HDDC3: variants seen among roughly 807,000 people sequenced by gnomAD.
The protein encoded by HDDC3 is guanosine-3',5'-bis(diphosphate) 3'-pyrophosphohydrolase MESH1.
In HDDC3, 18 loss-of-function variants were observed where a neutral mutation model predicts 19.1. The observed-to-expected ratio is 0.94, with a 90% CI of 0.65 to 1.40. The LOEUF is 1.40. HDDC3 is among the 40% of genes most tolerant of loss of function. The probability of loss-of-function intolerance (pLI) is 0.00; values close to 1 mark genes in which losing one functional copy is unlikely to be tolerated. For synonymous variants in HDDC3, 107 were observed against 99.4 expected, an observed-to-expected ratio of 1.08 and a Z score of -0.46; for missense variants, 250 against 228.9, an observed-to-expected ratio of 1.09 and a Z score of -0.59.
Position 90,932,501 on chromosome 15 carries a change from A to ATATC in HDDC3, c.39_40insGATA (p.Phe14AspfsTer39). ...TGCTGCCGGTGCTTGCGAGCCGCGA[A>ATATC]GTCGGCAGCCTCCAGCAGCTGCGCC... On this transcript the variant is annotated frameshift_variant, in exon 1 of 4. Transcript: ENST00000394272. LOFTEE classifies it high-confidence loss of function. 1 of 1,300,618 alleles carries ATATC rather than the reference A, an allele frequency of 7.7e-7. No homozygotes were observed. The allele number at this position is 1,300,618 out of a possible 1,614,324, so 80.6% of individuals were successfully genotyped here. A position where few individuals can be genotyped will look rare whatever the true frequency, so the allele number is the denominator to read the frequency against.
rs2035833768 is a variant in HDDC3 at position 90,932,409 on chromosome 15, T to C, written c.112+20A>G. On this transcript the variant is annotated intron_variant, in intron 1 of 3. Transcript: ENST00000394272. ...ACCACCCAGGTGCCGCAGCCGGCGC[T>C]CCGCGGCCGACGCGCCCACCGATGG... 1 of 1,310,778 alleles carries C rather than the reference T, an allele frequency of 7.6e-7. No individual in the cohort carries two copies. Among genetic ancestry groups the C allele is most frequent in the Non-Finnish European group, 9.8e-7 (1 of 1,021,738 alleles). The allele number at this position is 1,310,778 out of a possible 1,614,324, so 81.2% of individuals were successfully genotyped here.
rs200680048 is a variant in HDDC3, at chr15:90,931,950, G to A, written c.169-6C>T. The stretch of plus-strand genomic sequence containing the variant: ...GTGTCATGGAGCAGGGCCGCCTGGG[G>A]ACAAGTTCCCACTCAGCCCTGAGAT... On this transcript the variant is annotated splice_polypyrimidine_tract_variant and splice_region_variant and intron_variant, in intron 2 of 3. Transcript: ENST00000394272. 2.6e-5 allele frequency: 42 copies of A among 1,613,776 alleles called. No individual in the cohort carries two copies. The African/African-American group carries it at 4.8e-4, about 18-fold the overall frequency.
upstream of HDDC3, chr15:90,932,555 C>A (rs1342814125): frequency 1.7e-5 from 21 of 1,244,128 alleles, no homozygotes; most frequent in East Asian, 3.1e-5. Flanking sequence ...CGGATGGGGC[C>A]GACGACTGCG....
At position 90,932,123 on chromosome 15, in the gene HDDC3, G is replaced by A. The variant is rs549390607; in HGVS notation, c.113-13C>T. On this transcript the variant is annotated splice_polypyrimidine_tract_variant and intron_variant, in intron 1 of 3. Coordinates refer to ENST00000394272, the MANE Select transcript of HDDC3 (RefSeq NM_001286451.2). ...ATCCGTGCCACACCTGACGGGGAGGGGCAAAGCAGGAAGTCAGGTCGGAGG... is the reference window on the plus strand; with the variant it reads ...ATCCGTGCCACACCTGACGGGGAGGAGCAAAGCAGGAAGTCAGGTCGGAGG... 1.1e-5 allele frequency: 18 copies of A among 1,580,326 alleles called. No homozygotes were observed. In the South Asian group the frequency reaches 1.9e-4, roughly 16 times the overall value.
chr15:90,932,160 C>T (rs754310590), intron 1 of HDDC3, 50 bp from the exon 2 acceptor site: 2 of 1,544,180 alleles, frequency 1.3e-6, no homozygotes, highest in African/African-American at 1.4e-5. Flanking sequence ...AGTCCCAAGG[C>T]GGTGTGTTGT....
At position 90,931,920 on chromosome 15, in the gene HDDC3, C is replaced by T; in HGVS notation, c.193G>A (p.Glu65Lys). 6.2e-7 allele frequency: 1 copy of T among 1,613,972 alleles called. No homozygotes were observed. Among genetic ancestry groups the T allele is most frequent in the African/African-American group, 1.3e-5 (1 of 75,058 alleles). The stretch of plus-strand genomic sequence containing the variant: ...TCATCCAGGGTGGTGTCTGTGTCCT[C>T]CACCGTGTCATGGAGCAGGGCCGCC... ...LQAALLHDTV[E>K]DTDTTLDEVE... Residue 65 changes from glutamate (E) to lysine (K), a missense_variant, in exon 3 of 4, where the codon GAG (glutamate) becomes AAG (lysine). Transcript: ENST00000394272.
In HDDC3 at chr15:90,931,705, C is replaced by T; in HGVS notation, c.408G>A (p.Glu136=). ...CTTACAGCCCATACGAAAGCGTACC[C>T]TCTGGGGTGCAGCGATTCAGGTCCC... ...NLRDLNRCTP[E]GWSEHRVQEY... The change falls in exon 3 of 4, where the codon GAG becomes GAA. Residue 136 remains glutamate, a splice_region_variant and synonymous_variant. Coordinates refer to ENST00000394272, the MANE Select transcript of HDDC3 (RefSeq NM_001286451.2). The T allele has an allele frequency of 6.2e-7, 1 of 1,614,104 alleles. No homozygotes were observed.
chr15:90,931,468 C>A lies in HDDC3; in HGVS notation c.410-63G>T. On this transcript the variant is annotated intron_variant, in intron 3 of 3. Coordinates refer to ENST00000394272, the MANE Select transcript of HDDC3 (RefSeq NM_001286451.2). ...CAAGGAAAGCACTGCCTTTTCCCCA[C>A]TTCCTGGCAAGCTTGGTTCAAGGCC... 2.5e-6 allele frequency: 4 copies of A among 1,614,128 alleles called. No individual in the cohort carries two copies. The South Asian group carries it at 4.4e-5, about 18-fold the overall frequency.
At chr15:90,932,331 C>T in intron 1 of HDDC3, 98 bp downstream of exon 1, 2 of 833,678 alleles carry the variant, frequency 2.4e-6, no homozygotes, top group South Asian at 4.1e-5. Flanking sequence ...AAGCTTGGGA[C>T]AAAACAGGTG....
chr15:90,932,155 C>T (rs2035822142), intron 1 of HDDC3, 45 bp from the exon 2 acceptor site: 2 of 1,551,490 alleles, frequency 1.3e-6, no homozygotes, highest in East Asian at 4.5e-5. Flanking sequence ...GAGGTAGTCC[C>T]AAGGCGGTGT....
In HDDC3 at chr15:90,932,451, G is replaced by T; in HGVS notation, c.90C>A (p.Thr30=). The T allele has an allele frequency of 7.4e-7, 1 of 1,355,822 alleles. No individual in the cohort carries two copies. The highest frequency in any genetic ancestry group is 9.5e-7 in the Non-Finnish European group (1 of 1,056,178). The allele number at this position is 1,355,822 out of a possible 1,614,324, so 84.0% of individuals were successfully genotyped here. Reference sequence around the variant, plus strand: ...CACCGATGGGGTGGTTGATGTAGGGGGTCCCCTCGGGGTCCTTCCGCCGCT... The same window carrying T: ...CACCGATGGGGTGGTTGATGTAGGGTGTCCCCTCGGGGTCCTTCCGCCGCT... ...RQQRRKDPEG[T]PYINHPIGVA... is the part of the protein sequence containing the mutation. The change falls in exon 1 of 4, where the codon ACC becomes ACA. Residue 30 remains threonine, a synonymous_variant. Coordinates refer to ENST00000394272, the MANE Select transcript of HDDC3 (RefSeq NM_001286451.2).
Position 90,932,087 on chromosome 15 carries a change from C to T in HDDC3, c.136G>A (p.Glu46Lys). 1 of 1,607,006 alleles carries T rather than the reference C, an allele frequency of 6.2e-7. No homozygotes were observed. Among genetic ancestry groups the T allele is most frequent in the Non-Finnish European group, 8.5e-7 (1 of 1,176,030 alleles). The stretch of plus-strand genomic sequence containing the variant: ...ACCACAATGTCAGTGATTCCCGCCT[C>T]GTGGGTCAGGATCCGTGCCACACCT... ...PIGVARILTH[E>K]AGITDIVVLQ... is the part of the protein sequence containing the mutation. Residue 46 changes from glutamate (E) to lysine (K), a missense_variant, in exon 2 of 4, where the codon GAG becomes AAG. Transcript: ENST00000394272.
chr15:90,931,211 C>T lies in HDDC3; in HGVS notation c.*64G>A. 2 of 1,520,886 alleles carry T rather than the reference C, an allele frequency of 1.3e-6. No individual in the cohort carries two copies. Among genetic ancestry groups the T allele is most frequent in the South Asian group, 1.2e-5 (1 of 82,892 alleles). The allele number at this position is 1,520,886 out of a possible 1,614,324, so 94.2% of individuals were successfully genotyped here. ...AGCTCAGGAGACACAGAAAAGATGG[C>T]GTATGAATCCTGTCCGGCCTGAACG... On this transcript the variant is annotated 3_prime_UTR_variant, in exon 4 of 4. Coordinates refer to ENST00000394272, the MANE Select transcript of HDDC3 (RefSeq NM_001286451.2).
At position 90,930,405 on chromosome 15, in the gene HDDC3, C is replaced by T. The variant is rs904313185; in HGVS notation, c.*870G>A. 10 of 152,498 alleles carry T rather than the reference C, an allele frequency of 6.6e-5. No homozygotes were observed. The highest frequency in any genetic ancestry group is 2.4e-4 in the African/African-American group (10 of 41,460). The allele number at this position is 152,498 out of a possible 1,614,324, so 9.4% of individuals were successfully genotyped here. ...TTTGAGACGGAGTCTCGCTGTGTCA[C>T]CCAAGCTGGAGTGCAGTGGCGCGAT... On this transcript the variant is annotated 3_prime_UTR_variant, in exon 4 of 4. Transcript: ENST00000394272.
At chr15:90,932,375 C>T in intron 1 of HDDC3, 54 bp downstream of exon 1, 1 of 1,144,542 alleles carries the variant, frequency 8.7e-7, no homozygotes, top group South Asian at 2.1e-5. Flanking sequence ...CGTTTCCTTC[C>T]CAGTCCCCAC....
In HDDC3 at chr15:90,931,248, G is replaced by C; in HGVS notation, c.*27C>G. 6.4e-7 allele frequency: 1 copy of C among 1,550,436 alleles called. No homozygotes were observed. The highest frequency in any genetic ancestry group is 1.7e-4 in the Middle Eastern group (1 of 5,992). On this transcript the variant is annotated 3_prime_UTR_variant, in exon 4 of 4. Coordinates refer to ENST00000394272, the MANE Select transcript of HDDC3 (RefSeq NM_001286451.2). ...GTCCGGCCTGAACGAGGCTGGAGTT[G>C]TGCCTCTGGATAGCTTCAAGCACTG...
In HDDC3 at chr15:90,931,784, TGG is replaced by T. The variant is rs1567143796; in HGVS notation, c.327_328del (p.His110GlnfsTer2). ...CACCAGTTTGGCCCCGGGGCTACTG[TGG>T]GGCGCTTGCTCCACCTGCAGCCTCT... On this transcript the variant is annotated frameshift_variant, in exon 3 of 4. Transcript: ENST00000394272. LOFTEE classifies it high-confidence loss of function. 1 of 1,614,124 alleles carries T rather than the reference TGG, an allele frequency of 6.2e-7. No individual in the cohort carries two copies. The highest frequency in any genetic ancestry group is 8.5e-7 in the Non-Finnish European group (1 of 1,180,026).
chr15:90,930,644 C>G lies in HDDC3; in HGVS notation c.*631G>C, dbSNP rs2035757754. On this transcript the variant is annotated 3_prime_UTR_variant, in exon 4 of 4. Transcript: ENST00000394272. ...TCGGTCTCCCAGAGTGCTGGGATTA[C>G]AGGCGAGAGACACCGCGCCTGGCCC... 1 of 153,372 alleles carries G rather than the reference C, an allele frequency of 6.5e-6. No homozygotes were observed. Among genetic ancestry groups the G allele is most frequent in the Non-Finnish European group, 1.5e-5 (1 of 68,836 alleles). The allele number at this position is 153,372 out of a possible 1,614,324, so 9.5% of individuals were successfully genotyped here.
chr15:90,931,791 C>G lies in HDDC3; in HGVS notation c.322G>C (p.Ala108Pro). 1 of 1,614,150 alleles carries G rather than the reference C, an allele frequency of 6.2e-7. No individual in the cohort carries two copies. The highest frequency in any genetic ancestry group is 8.5e-7 in the Non-Finnish European group (1 of 1,180,026). ...TTGGCCCCGGGGCTACTGTGGGGCG[C>G]TTGCTCCACCTGCAGCCTCTTTCTC... The part of the protein sequence containing the change: ...LERKRLQVEQ[A>P]PHSSPGAKLV... The change falls in exon 3 of 4, where the codon GCG (alanine) becomes CCG (proline). Residue 108 changes from alanine to proline, a missense_variant. Transcript: ENST00000394272.
Sources: gnomAD v4.1 joint callset for allele counts on GRCh38, gnomAD v4.1.1 for gene constraint, MANE v1.5 for transcripts, NCBI Gene and HGNC (gene_info 2026-07-23, HGNC 2026-07-21) for gene names.